Variants in TMEM244 observed in about 807,000 individuals in gnomAD.
The protein encoded by TMEM244 is putative transmembrane protein 244.
TMEM244 carries 13 observed loss-of-function variants against 15.8 expected under a neutral mutation model. The ratio of observed to expected loss-of-function variants is 0.82; its 90% CI spans 0.53 to 1.30. TMEM244 has a LOEUF of 1.30. Ranked by LOEUF, TMEM244 falls within the 50% of genes most tolerant of loss-of-function variation. The pLI, the probability that TMEM244 is intolerant of heterozygous loss-of-function variation, is 0.00. For missense variants in TMEM244, 161 were observed against 144.9 expected (o/e 1.11, Z -0.57); for synonymous variants, 45 against 48.7 (o/e 0.92, Z 0.32).
Position 129,833,518 on chromosome 6 carries a change from T to C in TMEM244, c.261A>G (p.Glu87=). 6.2e-7 allele frequency: 1 copy of C among 1,613,354 alleles called. No individual in the cohort carries two copies. Among genetic ancestry groups the C allele is most frequent in the Non-Finnish European group, 8.5e-7 (1 of 1,179,642 alleles). The change falls in exon 4 of 5, where the codon GAA becomes GAG. Residue 87 remains glutamate (E), a synonymous_variant. Coordinates refer to ENST00000368143, the MANE Select transcript of TMEM244 (RefSeq NM_001010876.2). The part of the protein sequence containing the change: ...CGLFFVPVVE[E]WVWDYAISVT... The stretch of plus-strand genomic sequence containing the variant: ...CTGAAATAGCATAATCCCAAACCCA[T>C]TCTTCCACAACTGGAACAAAAAACA...
At chr6:129,851,633 T>C (rs997847780) in intron 1 of TMEM244, among the ~76,000 whole-genome samples, 1 of 152,188 alleles carries the variant, frequency 6.6e-6, no homozygotes, top group African/African-American at 2.4e-5. Flanking sequence ...CTCAGACAAG[T>C]TGAGTGAATA....
rs1776519389 is a variant in TMEM244, at chr6:129,843,550, C to T, written c.173G>A (p.Trp58Ter). 4 of 1,611,112 alleles carry T rather than the reference C, an allele frequency of 2.5e-6. No homozygotes were observed. Among genetic ancestry groups the T allele is most frequent in the African/African-American group, 2.7e-5 (2 of 74,774 alleles). Residue 58 changes from tryptophan (W) to a stop codon, truncating the protein, a stop_gained, in exon 3 of 5, where the codon TGG becomes TAG. Transcript: ENST00000368143. LOFTEE classifies it high-confidence loss of function. Reference protein sequence around the residue: ...APFDFKTNPSWLNINYKVLLV... With the variant: ...APFDFKTNPS Reference sequence around the variant, plus strand: ...ATTACCTTTATAGTTTATGTTGAGCCATGAGGGATTTGTTTTGAAATCAAA... The same window carrying T: ...ATTACCTTTATAGTTTATGTTGAGCTATGAGGGATTTGTTTTGAAATCAAA...
intron 1 of TMEM244, 77 bp from the exon 2 acceptor site, chr6:129,845,929 T>C: frequency 2.1e-6 from 2 of 957,236 alleles, no homozygotes; most frequent in Non-Finnish European, 3.3e-6. Context: ...TGACAAAAGA[T>C]GATGAATGAT....
rs545969971 is a variant in TMEM244, at chr6:129,840,474, C to A, written c.193+3056G>T. ...AATGTAAGACCTAACACCATAAAAA[C>A]CCTAGAAGAAAACCTAGGCAATATC... On this transcript the variant is annotated intron_variant, in intron 3 of 4. Coordinates refer to ENST00000368143, the MANE Select transcript of TMEM244 (RefSeq NM_001010876.2). 2.6e-5 allele frequency among the ~76,000 whole-genome samples: 4 copies of A among 152,246 alleles called. No individual in the cohort carries two copies. The East Asian group carries it at 7.7e-4, about 29-fold the overall frequency.
chr6:129,833,480 TGAA>T lies in TMEM244; in HGVS notation c.296_298del (p.Leu99del), dbSNP rs778800409. 1.9e-6 allele frequency: 3 copies of T among 1,612,152 alleles called. No homozygotes were observed. The African/African-American group carries it at 4.0e-5, about 22-fold the overall frequency. On this transcript the variant is annotated inframe_deletion, in exon 4 of 5. Transcript: ENST00000368143. ...CTTACCAGTTGAAGTGATGGCAACA[TGAA>T]GAATAGTGACTGAAATAGCATAATC...
In TMEM244 at chr6:129,853,933, G is replaced by A. The variant is rs545676950; in HGVS notation, c.33+7223C>T. On this transcript the variant is annotated intron_variant, in intron 1 of 4. Coordinates refer to ENST00000368143, the MANE Select transcript of TMEM244 (RefSeq NM_001010876.2). The stretch of plus-strand genomic sequence containing the variant: ...CTTGACGGGGCATAATTCAAAACGG[G>A]AAAGCTCAGGTTCATTCCACTCTCC... Among the ~76,000 whole-genome samples, 8 of 152,272 alleles carry A rather than the reference G, an allele frequency of 5.3e-5. No homozygotes were observed. In the South Asian group the frequency reaches 1.2e-3, roughly 24 times the overall value.
intron 1 of TMEM244, among the ~76,000 whole-genome samples, chr6:129,849,776 A>C (rs1202653740): frequency 6.6e-6 from 1 of 152,036 alleles, no homozygotes; most frequent in Non-Finnish European, 1.5e-5. Context: ...TGAGTCAAGA[A>C]ATGGCTGCAA....
intron 1 of TMEM244, among the ~76,000 whole-genome samples, chr6:129,852,258 G>A (rs1308572929): frequency 6.6e-6 from 1 of 151,942 alleles, no homozygotes; most frequent in Non-Finnish European, 1.5e-5. Flanking sequence ...TTCAACCGGT[G>A]AGCATCTTCA....
At chr6:129,838,360 A>G (rs1467784373) in intron 3 of TMEM244, among the ~76,000 whole-genome samples, 1 of 152,260 alleles carries the variant, frequency 6.6e-6, no homozygotes, top group Non-Finnish European at 1.5e-5. Context: ...AAATGAAGGC[A>G]GAAATAAAGA....
At chr6:129,833,220 C>A (rs1296860573) in intron 4 of TMEM244, among the ~76,000 whole-genome samples, 1 of 152,000 alleles carries the variant, frequency 6.6e-6, no homozygotes, top group Admixed American at 6.6e-5. Context: ...TGTAACTTTT[C>A]TGTAACTCTA....
chr6:129,851,513 G>T (rs1244136875), intron 1 of TMEM244, among the ~76,000 whole-genome samples: 5 of 152,046 alleles, frequency 3.3e-5, no homozygotes. Context: ...CAAGTGATCT[G>T]CCCGCCTTAG....
chr6:129,848,336 T>C (rs1776589514), intron 1 of TMEM244, among the ~76,000 whole-genome samples: 2 of 152,236 alleles, frequency 1.3e-5, no homozygotes, highest in South Asian at 2.1e-4. Context: ...TTATGTCTCA[T>C]TGTCCGCCAC....
chr6:129,839,436 A>G (rs1273939093), intron 3 of TMEM244, among the ~76,000 whole-genome samples: 1 of 152,190 alleles, frequency 6.6e-6, no homozygotes, highest in Non-Finnish European at 1.5e-5. Context: ...TCTCAAAATA[A>G]AAAGAGCTAT....
chr6:129,837,605 C>T (rs1483989486), intron 3 of TMEM244, among the ~76,000 whole-genome samples: 4 of 152,106 alleles, frequency 2.6e-5, no homozygotes, highest in African/African-American at 4.8e-5. Flanking sequence ...GGGCTAAATG[C>T]CCCAATTAAA....
At chr6:129,842,531 C>T (rs1210982409) in intron 3 of TMEM244, among the ~76,000 whole-genome samples, 9 of 152,032 alleles carry the variant, frequency 5.9e-5, no homozygotes, top group African/African-American at 2.2e-4. Flanking sequence ...TTTCATTGGC[C>T]TCCAGCAATT....
At chr6:129,832,088 T>C (rs950775612) in intron 4 of TMEM244, among the ~76,000 whole-genome samples, 1 of 150,358 alleles carries the variant, frequency 6.7e-6, no homozygotes, top group Admixed American at 6.7e-5. Context: ...TGGAGACAGA[T>C]TGTACTTTTT....
intron 1 of TMEM244, among the ~76,000 whole-genome samples, chr6:129,857,301 A>G (rs1273923980): frequency 6.8e-6 from 1 of 147,824 alleles, no homozygotes; most frequent in Non-Finnish European, 1.5e-5. Flanking sequence ...TAACATATAT[A>G]TTTTATATGT....
intron 1 of TMEM244, among the ~76,000 whole-genome samples, chr6:129,857,743 C>T (rs892161117): frequency 2.0e-4 from 31 of 151,572 alleles, no homozygotes; most frequent in Non-Finnish European, 4.1e-4. Context: ...TAGTATTCTC[C>T]ATTAAGTAAT....
chr6:129,839,365 A>T (rs1300656558), intron 3 of TMEM244, among the ~76,000 whole-genome samples: 4 of 152,228 alleles, frequency 2.6e-5, no homozygotes, highest in Non-Finnish European at 4.4e-5. Context: ...AAGGCCTTCA[A>T]CAAAATTCAA....
Sources: allele counts gnomAD v4.1 joint callset (sites outside exome capture counted in the v4.1 genomes callset), GRCh38; gene constraint gnomAD v4.1.1; transcripts MANE v1.5; gene names NCBI Gene and HGNC (gene_info 2026-07-23, HGNC 2026-07-21).